Variants in HDGF observed in about 807,000 individuals in gnomAD.
HDGF encodes the protein hepatoma-derived growth factor.
In HDGF, 5 loss-of-function variants were observed where a neutral mutation model predicts 30.0. The ratio of observed to expected loss-of-function variants is 0.17; its 90% CI spans 0.09 to 0.35. The LOEUF (loss-of-function observed/expected upper bound fraction) is 0.35, where lower values mean the gene tolerates loss of function less well. Ranked by LOEUF, HDGF falls within the 10% of genes least tolerant of loss-of-function variation. The probability of loss-of-function intolerance (pLI) is 1.00; values close to 1 mark genes in which losing one functional copy is unlikely to be tolerated. For missense variants in HDGF, 214 were observed against 302.8 expected, an observed-to-expected ratio of 0.71 and a Z score of 2.18; for synonymous variants, 133 against 112.7, an observed-to-expected ratio of 1.18 and a Z score of -1.14.
At chr1:156,757,299 C>T (rs998085387), upstream of HDGF, among the ~76,000 whole-genome samples, 8 of 150,628 alleles carry the variant, frequency 5.3e-5, no homozygotes, top group Non-Finnish European at 1.0e-4. Flanking sequence ...CCCGTCTCTA[C>T]TAAAAAAAAT....
chr1:156,751,994 A>T, upstream of HDGF: 1 of 1,529,384 alleles, frequency 6.5e-7, no homozygotes, highest in Non-Finnish European at 8.8e-7. The surrounding 1 kb of genome is among the most constrained non-coding windows in gnomAD (Gnocchi z 4.7). Context: ...GCCCGGCTGG[A>T]CGGAGCGGCC....
At chr1:156,764,226 C>A (rs1423049401) in intron 1 of HDGF, among the ~76,000 whole-genome samples, 1 of 147,350 alleles carries the variant, frequency 6.8e-6, no homozygotes, top group Non-Finnish European at 1.5e-5. Context: ...TTAAAAATTT[C>A]TTTTTTTTTC....
upstream of HDGF, chr1:156,751,782 C>A: frequency 8.6e-7 from 1 of 1,168,500 alleles, no homozygotes; most frequent in Non-Finnish European, 1.1e-6. The surrounding 1 kb of genome is among the most constrained non-coding windows in gnomAD (Gnocchi z 4.7). Flanking sequence ...CCTCCCCCCG[C>A]CCCCCAACCT....
intron 1 of HDGF, among the ~76,000 whole-genome samples, chr1:156,747,985 G>C (rs1286039826): frequency 6.6e-6 from 1 of 152,122 alleles, no homozygotes; most frequent in Non-Finnish European, 1.5e-5. Context: ...ACAAAAGAAC[G>C]AATGGGATTA....
chr1:156,752,490 T>A, upstream of HDGF: 3 of 833,906 alleles, frequency 3.6e-6, no homozygotes, highest in Non-Finnish European at 3.8e-6. Flanking sequence ...ACCCCTTCAG[T>A]AAACTGTGAA....
At chr1:156,752,871 G>A (rs919702592), upstream of HDGF, among the ~76,000 whole-genome samples, 1 of 152,162 alleles carries the variant, frequency 6.6e-6, no homozygotes, top group African/African-American at 2.4e-5. Context: ...ACATATGCAT[G>A]TTTTTCTTCC....
rs201669225 is a variant in HDGF, at chr1:156,745,283, T to C, written c.164+14A>G. 2.1e-3 allele frequency: 3,433 copies of C among 1,613,238 alleles called. 19 individuals carry two copies. The highest frequency in any genetic ancestry group is 0.014 in the Middle Eastern group (83 of 5,968). On this transcript the variant is annotated intron_variant, in intron 2 of 5. Coordinates refer to ENST00000357325, the MANE Select transcript of HDGF (RefSeq NM_004494.3). ...GGGGCCCTCCCGACCTATACCCCTTTGGCCTCCACTCACGTCTCGTGGGTC... is the reference window on the plus strand; with the variant it reads ...GGGGCCCTCCCGACCTATACCCCTTCGGCCTCCACTCACGTCTCGTGGGTC...
chr1:156,766,658 G>A (rs1651387756), intron 1 of HDGF: 1 of 152,386 alleles, frequency 6.6e-6, no homozygotes, highest in South Asian at 2.1e-4. Context: ...AGCACTCACA[G>A]ACGTAAAGGA....
At chr1:156,748,057 G>C (rs1650711258) in intron 1 of HDGF, among the ~76,000 whole-genome samples, 1 of 152,130 alleles carries the variant, frequency 6.6e-6, no homozygotes, top group African/African-American at 2.4e-5. Context: ...ATAAAGGATG[G>C]GTCTAGAGGG....
intron 1 of HDGF, chr1:156,747,348 C>G (rs1650653317): frequency 6.7e-6 from 1 of 149,562 alleles, no homozygotes; most frequent in Admixed American, 6.7e-5. Flanking sequence ...CCTGGGTCCC[C>G]GGCTGTGCTG....
At chr1:156,752,035 C>T, upstream of HDGF, 1 of 1,550,854 alleles carries the variant, frequency 6.4e-7, no homozygotes, top group East Asian at 2.4e-5. Flanking sequence ...GCGGAGCGCT[C>T]ACCACCGCGG....
At chr1:156,752,484 C>A, upstream of HDGF, 2 of 856,466 alleles carry the variant, frequency 2.3e-6, no homozygotes, top group Non-Finnish European at 3.7e-6. Context: ...AACCCAACCC[C>A]TTCAGTAAAC....
chr1:156,745,682 T>C (rs556072770), intron 1 of HDGF, among the ~76,000 whole-genome samples: 1 of 152,334 alleles, frequency 6.6e-6, no homozygotes, highest in South Asian at 2.1e-4. Context: ...CTCCACAATC[T>C]ATTCTCCACA....
At chr1:156,765,254 G>A (rs1437836729) in intron 1 of HDGF, among the ~76,000 whole-genome samples, 3 of 143,618 alleles carry the variant, frequency 2.1e-5, no homozygotes, top group Admixed American at 6.9e-5. Flanking sequence ...CACCGCACCC[G>A]GCTAATTTTT....
In HDGF at chr1:156,742,727, T is replaced by A. The variant is rs1650214416; in HGVS notation, c.*722A>T. 1 of 154,642 alleles carries A rather than the reference T, an allele frequency of 6.5e-6. No individual in the cohort carries two copies. Among genetic ancestry groups the A allele is most frequent in the Non-Finnish European group, 1.5e-5 (1 of 68,184 alleles). 9.6% of individuals were successfully genotyped at this position (154,642 alleles called of 1,614,324 possible). A position where few individuals can be genotyped will look rare whatever the true frequency, so the allele number is the denominator to read the frequency against. Reference sequence around the variant, plus strand: ...CAGATGCTCAACACTCCCACCCAAATGGGTAAAGTCAACCCTTCAGGTCTC... The same window carrying A: ...CAGATGCTCAACACTCCCACCCAAAAGGGTAAAGTCAACCCTTCAGGTCTC... On this transcript the variant is annotated 3_prime_UTR_variant, in exon 6 of 6. Transcript: ENST00000357325.
chr1:156,751,018 G>A lies in HDGF; in HGVS notation c.87+325C>T, dbSNP rs185488695. Among the ~76,000 whole-genome samples the A allele has an allele frequency of 2.6e-5, 4 of 151,794 alleles. No homozygotes were observed. In the East Asian group the frequency reaches 7.8e-4, roughly 30 times the overall value. On this transcript the variant is annotated intron_variant, in intron 1 of 5. Transcript: ENST00000357325. The surrounding 1 kb of genome is among the most constrained non-coding windows in gnomAD (Gnocchi z 4.7). ...TGGCCCAAAGCCAGACTTCGCGCTC[G>A]AAACCTCTGGGAGTATGGGGGCTGG...
chr1:156,746,402 T>C (rs1285796628), intron 1 of HDGF, among the ~76,000 whole-genome samples: 1 of 152,192 alleles, frequency 6.6e-6, no homozygotes, highest in East Asian at 1.9e-4. Flanking sequence ...GGGCTGCCTA[T>C]CCAACGCCCG....
At chr1:156,754,808 G>C (rs1045665039), upstream of HDGF, among the ~76,000 whole-genome samples, 4 of 152,028 alleles carry the variant, frequency 2.6e-5, no homozygotes, top group Non-Finnish European at 5.9e-5. Context: ...AATTAACTGG[G>C]TGTGTGGCAG....
At chr1:156,751,926 CGAGCAGGCT>C (rs1651011474), upstream of HDGF, 3 of 1,079,644 alleles carry the variant, frequency 2.8e-6, no homozygotes, top group South Asian at 5.0e-5. This position sits in a 1 kb window ranked among gnomAD's most constrained non-coding sequence, Gnocchi z 4.7. Flanking sequence ...CCGAGCACGC[CGAGCAGGCT>C]TTGTGTGCCC....
Sources: gnomAD v4.1 joint callset for allele counts (sites outside exome capture counted in the v4.1 genomes callset) on GRCh38, gnomAD v4.1.1 for gene constraint, Gnocchi (gnomAD v3.1) non-coding constraint, MANE v1.5 for transcripts, NCBI Gene and HGNC (gene_info 2026-07-23, HGNC 2026-07-21) for gene names.